CPNE4: variants seen among roughly 807,000 people sequenced by gnomAD.
The protein encoded by CPNE4 is copine-4.
A neutral mutation model predicts 67.9 loss-of-function variants in CPNE4; 25 were observed. That is an observed-to-expected ratio of 0.37 (90% confidence interval 0.27 to 0.51). The LOEUF (loss-of-function observed/expected upper bound fraction) is 0.51, where lower values mean the gene tolerates loss of function less well. Ranked by LOEUF, CPNE4 falls within the 20% of genes least tolerant of loss-of-function variation. CPNE4 has a pLI of 0.93. For missense variants in CPNE4, 464 were observed against 690.8 expected, an observed-to-expected ratio of 0.67 and a Z score of 3.68; for synonymous variants, 242 against 244.9, an observed-to-expected ratio of 0.99 and a Z score of 0.11.
At chr3:131,796,901 G>T (rs551851510) in intron 2 of CPNE4, among the ~76,000 whole-genome samples, 47 of 152,344 alleles carry the variant, frequency 3.1e-4, no homozygotes, top group African/African-American at 1.1e-3. Context: ...ACGTTGGCAA[G>T]TTTAACTTTC....
intron 1 of CPNE4, among the ~76,000 whole-genome samples, chr3:131,939,076 G>C (rs747296125): frequency 3.9e-5 from 6 of 152,110 alleles, no homozygotes; most frequent in Non-Finnish European, 8.8e-5. Context: ...GGGAGACTTA[G>C]CAATACCATT....
intron 1 of CPNE4, among the ~76,000 whole-genome samples, chr3:131,947,622 T>C (rs536496968): frequency 6.6e-6 from 1 of 152,354 alleles, no homozygotes; most frequent in South Asian, 2.1e-4. Flanking sequence ...ACATTTTATT[T>C]ATCCAGTCTA....
intron 1 of CPNE4, among the ~76,000 whole-genome samples, chr3:132,007,463 C>A (rs560417815): frequency 6.6e-6 from 1 of 152,034 alleles, no homozygotes; most frequent in Admixed American, 6.6e-5. Flanking sequence ...GAAGAAAACA[C>A]GACGTAAGTA....
At chr3:131,622,971 A>G (rs1042837209) in intron 7 of CPNE4, among the ~76,000 whole-genome samples, 5 of 152,200 alleles carry the variant, frequency 3.3e-5, no homozygotes, top group Non-Finnish European at 2.9e-5. Context: ...AGCCGCATCA[A>G]TAGGTGTCTA....
chr3:131,723,402 G>T, intron 3 of CPNE4, 44 bp downstream of exon 3: 1 of 1,557,072 alleles, frequency 6.4e-7, no homozygotes, highest in Non-Finnish European at 8.8e-7. Flanking sequence ...AGGAAGAAAG[G>T]CCCTAGGATG....
In CPNE4 at chr3:132,030,860, T is replaced by C. The variant is rs2074221445; in HGVS notation, c.-2+3707A>G. 5.3e-5 allele frequency among the ~76,000 whole-genome samples: 8 copies of C among 152,226 alleles called. No homozygotes were observed. In the South Asian group the frequency reaches 1.7e-3, roughly 31 times the overall value. On this transcript the variant is annotated intron_variant, in intron 1 of 15. Transcript: ENST00000429747. ...TATGCAGTCACAAGTTTAGGAGATA[T>C]TCACTGAGTTTAACACTAATTGAGG...
intron 1 of CPNE4, among the ~76,000 whole-genome samples, chr3:131,929,611 A>T (rs1225034): frequency 1.1e-4 from 17 of 151,692 alleles, no homozygotes; most frequent in African/African-American, 3.4e-4. Context: ...CAGATCTGCA[A>T]GGATCTGCCC....
At chr3:132,027,110 A>C (rs895174341) in intron 1 of CPNE4, among the ~76,000 whole-genome samples, 15 of 152,234 alleles carry the variant, frequency 9.9e-5, no homozygotes, top group African/African-American at 3.4e-4. Flanking sequence ...GTTTTTGAGC[A>C]ACTACTAGGT....
At chr3:131,955,779 G>A (rs575510949) in intron 1 of CPNE4, among the ~76,000 whole-genome samples, 7 of 152,184 alleles carry the variant, frequency 4.6e-5, no homozygotes, top group African/African-American at 1.2e-4. Flanking sequence ...GAACTTGTAC[G>A]GAAGTGGTGG....
intron 2 of CPNE4, among the ~76,000 whole-genome samples, chr3:131,895,305 G>A (rs1390963972): frequency 2.6e-5 from 4 of 151,986 alleles, no homozygotes; most frequent in African/African-American, 4.8e-5. Context: ...ACAGTAGAGT[G>A]AAAATGGTTA....
intron 10 of CPNE4, among the ~76,000 whole-genome samples, chr3:131,568,673 G>A (rs1384950666): frequency 6.6e-6 from 1 of 151,528 alleles, no homozygotes; most frequent in Non-Finnish European, 1.5e-5. Context: ...AAGTAAGAAT[G>A]CAAAATGCCC....
At chr3:131,927,806 T>G (rs1221727715) in intron 1 of CPNE4, among the ~76,000 whole-genome samples, 1 of 152,232 alleles carries the variant, frequency 6.6e-6, no homozygotes, top group Non-Finnish European at 1.5e-5. Flanking sequence ...GGCTTTGTCT[T>G]TGTAGCAGGA....
intron 9 of CPNE4, among the ~76,000 whole-genome samples, chr3:131,578,724 G>A (rs1582833334): frequency 6.6e-6 from 1 of 152,100 alleles, no homozygotes; most frequent in Non-Finnish European, 1.5e-5. Flanking sequence ...TTAGATAAAA[G>A]ATCAAACCAG....
chr3:131,884,222 AT>A (rs2087790471), intron 2 of CPNE4, among the ~76,000 whole-genome samples: 1 of 152,250 alleles, frequency 6.6e-6, no homozygotes, highest in Non-Finnish European at 1.5e-5. Context: ...GAGTTAAAGA[AT>A]GAATCACTTA....
At chr3:131,780,815 G>A (rs1320668802) in intron 2 of CPNE4, among the ~76,000 whole-genome samples, 6 of 151,822 alleles carry the variant, frequency 4.0e-5, no homozygotes, top group Non-Finnish European at 8.8e-5. Context: ...ACCTGCACAC[G>A]TACCTCTTGA....
intron 11 of CPNE4, among the ~76,000 whole-genome samples, chr3:131,559,531 G>A (rs1336017284): frequency 6.6e-6 from 1 of 151,896 alleles, no homozygotes; most frequent in African/African-American, 2.4e-5. Flanking sequence ...GATCAATTAT[G>A]CACTAGTAAT....
At chr3:132,009,465 A>G (rs2073694314) in intron 1 of CPNE4, among the ~76,000 whole-genome samples, 1 of 152,216 alleles carries the variant, frequency 6.6e-6, no homozygotes, top group Admixed American at 6.5e-5. Context: ...AGAGGCACTT[A>G]GCACAGGGAA....
chr3:131,888,858 G>A lies in CPNE4; in HGVS notation c.180+16406C>T, dbSNP rs542770712. Among the ~76,000 whole-genome samples the A allele has an allele frequency of 2.0e-5, 3 of 152,270 alleles. No individual in the cohort carries two copies. The South Asian group carries it at 6.2e-4, about 32-fold the overall frequency. ...TAGTAAGAAACTTGGCAGACACTTA[G>A]AGAATTGTTAAATTTTCTTACTAAA... On this transcript the variant is annotated intron_variant, in intron 2 of 15. Coordinates refer to ENST00000429747, the MANE Select transcript of CPNE4 (RefSeq NM_130808.3).
intron 4 of CPNE4, among the ~76,000 whole-genome samples, chr3:131,697,346 A>G (rs1244379850): frequency 6.6e-6 from 1 of 152,224 alleles, no homozygotes; most frequent in Non-Finnish European, 1.5e-5. Context: ...AGTTGCAGAT[A>G]AGTTAAAACC....
Sources: gnomAD v4.1 joint callset for allele counts (sites outside exome capture counted in the v4.1 genomes callset) on GRCh38, gnomAD v4.1.1 for gene constraint, MANE v1.5 for transcripts, NCBI Gene and HGNC (gene_info 2026-07-23, HGNC 2026-07-21) for gene names.